Variants in DNAH5 observed in about 807,000 individuals in gnomAD.
The protein encoded by DNAH5 is axonemal beta dynein heavy chain 5.
A neutral mutation model predicts 518.2 loss-of-function variants in DNAH5; 372 were observed. The observed-to-expected ratio is 0.72, with a 90% CI of 0.66 to 0.78. DNAH5 has a LOEUF of 0.78. DNAH5 is among the 30% of genes least tolerant of loss of function. DNAH5 has a pLI of 0.00. For missense variants in DNAH5, 5,523 were observed against 5,687.0 expected, an observed-to-expected ratio of 0.97 and a Z score of 0.93; for synonymous variants, 2,039 against 2,025.9, an observed-to-expected ratio of 1.01 and a Z score of -0.17.
chr5:13,699,646 G>A (rs1741824071), intron 78 of DNAH5, among the ~76,000 whole-genome samples: 1 of 152,170 alleles, frequency 6.6e-6, no homozygotes, highest in African/African-American at 2.4e-5. Context: ...CTCAGGAGTT[G>A]GAGGTTGCAG....
Position 13,753,361 on chromosome 5 carries a change from G to A in DNAH5, c.10744C>T (p.Pro3582Ser), listed in dbSNP as rs886540492. Residue 3582 changes from proline to serine, a missense_variant, in exon 63 of 79, where the codon CCA becomes TCA. Around this residue, in one of 3 missense-constraint regions of DNAH5, gnomAD observed 5,121 missense variants for 5,223.3 expected, o/e 0.98. Coordinates refer to ENST00000265104, the MANE Select transcript of DNAH5 (RefSeq NM_001369.3). Reference protein sequence around the residue: ...TISEWNLQGLPNDDLSIQNGI... With the variant: ...TISEWNLQGLSNDDLSIQNGI... Reference sequence around the variant, plus strand: ...TTTTGAATGGACAAGTCATCATTTGGCAGACCTTGGAGGTTCCATTCACTA... The same window carrying A: ...TTTTGAATGGACAAGTCATCATTTGACAGACCTTGGAGGTTCCATTCACTA... 2 of 1,613,900 alleles carry A rather than the reference G, an allele frequency of 1.2e-6. No individual in the cohort carries two copies. Among genetic ancestry groups the A allele is most frequent in the Non-Finnish European group, 1.7e-6 (2 of 1,179,860 alleles).
chr5:13,954,831 T>C (rs899608463), intron 1 of DNAH5, among the ~76,000 whole-genome samples: 21 of 152,202 alleles, frequency 1.4e-4, no homozygotes, highest in African/African-American at 4.8e-4. Context: ...TCTCTGACTC[T>C]TTCTCTTTTA....
Position 13,832,808 on chromosome 5 carries a change from G to A in DNAH5, c.5883-2033C>T, listed in dbSNP as rs558984282. The stretch of plus-strand genomic sequence containing the variant: ...TGTCCCAACAGCTACAGGAATTAGA[G>A]ATGCAGAATGTGACCCTGATGCCAA... On this transcript the variant is annotated intron_variant, in intron 35 of 78. Coordinates refer to ENST00000265104, the MANE Select transcript of DNAH5 (RefSeq NM_001369.3). Among the ~76,000 whole-genome samples, 7 of 152,276 alleles carry A rather than the reference G, an allele frequency of 4.6e-5. No individual in the cohort carries two copies. The South Asian group carries it at 1.0e-3, about 23-fold the overall frequency.
At chr5:13,728,574 C>A (rs544061512) in intron 69 of DNAH5, among the ~76,000 whole-genome samples, 1 of 152,188 alleles carries the variant, frequency 6.6e-6, no homozygotes, top group East Asian at 1.9e-4. Context: ...GGGGGTAATC[C>A]TATTGGGGAA....
intron 52 of DNAH5, among the ~76,000 whole-genome samples, 164 bp downstream of exon 52, chr5:13,786,015 C>T (rs890367702): frequency 2.0e-5 from 3 of 152,014 alleles, no homozygotes; most frequent in African/African-American, 4.8e-5. Context: ...CTATAAGGTG[C>T]GACATGTTGC....
At chr5:13,973,303 C>T (rs745695662) in intron 1 of DNAH5, among the ~76,000 whole-genome samples, 3 of 152,094 alleles carry the variant, frequency 2.0e-5, no homozygotes, top group Non-Finnish European at 2.9e-5. Context: ...GATTTTAGCC[C>T]GGTAAAACTG....
At chr5:13,842,018 G>T in intron 32 of DNAH5, 114 bp from the exon 33 acceptor site, 1 of 676,202 alleles carries the variant, frequency 1.5e-6, no homozygotes, top group Non-Finnish European at 2.5e-6. Flanking sequence ...ATAAAATACT[G>T]TAAAAGCCAA....
At position 13,817,723 on chromosome 5, in the gene DNAH5, A is replaced by G. The variant is rs1333924708; in HGVS notation, c.6842-29T>C. 4 of 1,611,854 alleles carry G rather than the reference A, an allele frequency of 2.5e-6. No individual in the cohort carries two copies. The African/African-American group carries it at 4.0e-5, about 16-fold the overall frequency. On this transcript the variant is annotated intron_variant, in intron 41 of 78. Coordinates refer to ENST00000265104, the MANE Select transcript of DNAH5 (RefSeq NM_001369.3). ...TACCAAGTAAATCCAAATTTTAGAC[A>G]TCTCAGATGGGAAGTGAACCATCAT...
rs1382261599 is a variant in DNAH5, at chr5:13,751,215, G to A, written c.11074C>T (p.Leu3692Phe). ...KEVDVLDGFR[L>F]YITTKLPNPA... ...TTAGGCAATTTGGTGGTAATGTAGAGTCTAAAGCCATCCAACACATCTACT... is the reference window on the plus strand; with the variant it reads ...TTAGGCAATTTGGTGGTAATGTAGAATCTAAAGCCATCCAACACATCTACT... Residue 3692 changes from leucine (L) to phenylalanine (F), a missense_variant, in exon 65 of 79, where the codon CTC (leucine) becomes TTC (phenylalanine). Coordinates refer to ENST00000265104, the MANE Select transcript of DNAH5 (RefSeq NM_001369.3). The A allele has an allele frequency of 6.2e-7, 1 of 1,613,796 alleles. No individual in the cohort carries two copies. The highest frequency in any genetic ancestry group is 1.1e-5 in the South Asian group (1 of 91,076).
chr5:13,761,716 T>C (rs2126740582), intron 60 of DNAH5, among the ~76,000 whole-genome samples: 1 of 152,344 alleles, frequency 6.6e-6, no homozygotes, highest in African/African-American at 2.4e-5. Flanking sequence ...TTTTGAGCTA[T>C]GCTGAAGTCT....
chr5:13,920,776 G>A (rs1292015481), intron 5 of DNAH5, among the ~76,000 whole-genome samples, 159 bp from the exon 6 acceptor site: 1 of 152,032 alleles, frequency 6.6e-6, no homozygotes, highest in African/African-American at 2.4e-5. Context: ...TGTCCACGCT[G>A]CCCCCAGACT....
chr5:13,750,956 A>G (rs2126688203), intron 65 of DNAH5, 122 bp downstream of exon 65: 1 of 1,143,176 alleles, frequency 8.7e-7, no homozygotes, highest in Middle Eastern at 2.3e-4. Flanking sequence ...GATTAATGGA[A>G]AAAAACACAG....
intron 42 of DNAH5, 101 bp from the exon 43 acceptor site, chr5:13,814,947 A>G (rs2151801229): frequency 9.3e-7 from 1 of 1,072,630 alleles, no homozygotes; most frequent in Non-Finnish European, 1.3e-6. Context: ...ATTAGATGTA[A>G]TTTTCATTAA....
intron 47 of DNAH5, among the ~76,000 whole-genome samples, chr5:13,800,474 A>C (rs970957698): frequency 7.9e-5 from 12 of 152,148 alleles, no homozygotes; most frequent in Non-Finnish European, 1.8e-4. Context: ...CCATCCAAAA[A>C]TTTCCACATC....
At chr5:13,811,890 A>G in intron 43 of DNAH5, 67 bp from the exon 44 acceptor site, 2 of 1,466,332 alleles carry the variant, frequency 1.4e-6, no homozygotes, top group Non-Finnish European at 1.9e-6. Context: ...TCATTTGGGG[A>G]CAAAAATTTT....
chr5:13,882,446 C>T (rs903710127), intron 21 of DNAH5, among the ~76,000 whole-genome samples: 1 of 151,598 alleles, frequency 6.6e-6, no homozygotes, highest in Non-Finnish European at 1.5e-5. Flanking sequence ...TTCAACAGTG[C>T]ATTAAAAGAT....
intron 72 of DNAH5, 96 bp from the exon 73 acceptor site, chr5:13,717,616 T>A: frequency 2.9e-6 from 3 of 1,028,306 alleles, no homozygotes; most frequent in Non-Finnish European, 4.4e-6. Context: ...TCCCTGATAT[T>A]AAAATTCACT....
intron 33 of DNAH5, among the ~76,000 whole-genome samples, chr5:13,841,437 G>A (rs1765149949): frequency 6.6e-6 from 1 of 151,938 alleles, no homozygotes; most frequent in Admixed American, 6.5e-5. Context: ...ATTGATTAGG[G>A]AAAAAACCGT....
intron 32 of DNAH5, among the ~76,000 whole-genome samples, chr5:13,843,980 G>A (rs942561470): frequency 6.6e-6 from 1 of 152,088 alleles, no homozygotes; most frequent in Non-Finnish European, 1.5e-5. Context: ...ACCCTTCCTG[G>A]GAACCCCAGG....
Sources: gnomAD v4.1 joint callset for allele counts (sites outside exome capture counted in the v4.1 genomes callset) on GRCh38, gnomAD v4.1.1 for gene constraint, gnomAD v4.1.1 regional missense constraint, MANE v1.5 for transcripts, NCBI Gene and HGNC (gene_info 2026-07-23, HGNC 2026-07-21) for gene names.